Variants in RAP1GAP2 observed in about 807,000 individuals in gnomAD.
The protein encoded by RAP1GAP2 is rap1 GTPase-activating protein 2.
RAP1GAP2 carries 27 observed loss-of-function variants against 95.0 expected under a neutral mutation model. The observed-to-expected ratio is 0.28, with a 90% CI of 0.21 to 0.39. The LOEUF (loss-of-function observed/expected upper bound fraction) is 0.39. RAP1GAP2 is among the 10% of genes least tolerant of loss of function. RAP1GAP2 has a pLI of 1.00. For synonymous variants in RAP1GAP2, 373 were observed against 380.9 expected (o/e 0.98, Z 0.24); for missense variants, 771 against 970.0 (o/e 0.79, Z 2.72).
At chr17:2,900,471 C>T (rs536377754) in intron 2 of RAP1GAP2, among the ~76,000 whole-genome samples, 98 of 150,994 alleles carry the variant, frequency 6.5e-4, no homozygotes, top group Non-Finnish European at 1.1e-3. Flanking sequence ...GACGGAGTTT[C>T]GCTCTTGTTG....
At chr17:2,926,335 C>T (rs2042955186) in intron 3 of RAP1GAP2, among the ~76,000 whole-genome samples, 1 of 152,168 alleles carries the variant, frequency 6.6e-6, no homozygotes. Flanking sequence ...ACCCATCTGG[C>T]AGCTTTCTCC....
chr17:2,978,270 T>C (rs577358592), intron 8 of RAP1GAP2, among the ~76,000 whole-genome samples: 1 of 152,298 alleles, frequency 6.6e-6, no homozygotes, highest in East Asian at 1.9e-4. Context: ...CTTTGTCATA[T>C]CCAAAGTGCC....
At chr17:2,993,659 C>CA (rs2045855440) in intron 12 of RAP1GAP2, among the ~76,000 whole-genome samples, 1 of 152,008 alleles carries the variant, frequency 6.6e-6, no homozygotes, top group African/African-American at 2.4e-5. Context: ...GCTAGCTAGT[C>CA]ACGATTGTTA....
At chr17:2,882,140 A>ATTTTTTGT (rs2073327660) in intron 2 of RAP1GAP2, among the ~76,000 whole-genome samples, 1 of 71,008 alleles carries the variant, frequency 1.4e-5, no homozygotes, top group Non-Finnish European at 3.0e-5. Flanking sequence ...TTTTTTTTTA[A>ATTTTTTGT]TTTTGAGATG....
At chr17:2,991,458 G>A in intron 12 of RAP1GAP2, 61 bp downstream of exon 12, 2 of 1,304,816 alleles carry the variant, frequency 1.5e-6, no homozygotes, top group South Asian at 2.5e-5. Context: ...GGAAGGGCAA[G>A]ACAGCTCAGT....
intron 2 of RAP1GAP2, among the ~76,000 whole-genome samples, chr17:2,805,190 A>G (rs2069461612): frequency 6.6e-6 from 1 of 152,122 alleles, no homozygotes; most frequent in African/African-American, 2.4e-5. Flanking sequence ...AAGGAGAGAA[A>G]GAGGCAGGCT....
intron 2 of RAP1GAP2, among the ~76,000 whole-genome samples, chr17:2,814,697 G>A (rs894889047): frequency 3.3e-5 from 5 of 152,078 alleles, no homozygotes; most frequent in Non-Finnish European, 7.4e-5. Flanking sequence ...ACCTTGGGTT[G>A]AGCTGTGAAC....
chr17:2,874,095 C>G (rs756746116), intron 2 of RAP1GAP2, among the ~76,000 whole-genome samples: 6 of 152,190 alleles, frequency 3.9e-5, no homozygotes, highest in Non-Finnish European at 5.9e-5. Flanking sequence ...CATTTTCTAG[C>G]TCTCTGACTG....
chr17:2,908,671 G>T (rs957735083), intron 3 of RAP1GAP2, among the ~76,000 whole-genome samples: 1 of 152,094 alleles, frequency 6.6e-6, no homozygotes, highest in African/African-American at 2.4e-5. Flanking sequence ...TGAGATAAAG[G>T]TTGGTGCAGG....
chr17:2,813,191 G>A (rs757370416), intron 2 of RAP1GAP2, among the ~76,000 whole-genome samples: 11 of 151,352 alleles, frequency 7.3e-5, no homozygotes, highest in East Asian at 2.0e-4. Context: ...TCCTGCCTCC[G>A]TCTCCTGAGT....
intron 2 of RAP1GAP2, among the ~76,000 whole-genome samples, chr17:2,853,667 C>T (rs912846738): frequency 6.8e-6 from 1 of 147,628 alleles, no homozygotes; most frequent in Non-Finnish European, 1.5e-5. Context: ...GGAGGCGGGG[C>T]CGGGGCGGGT....
intron 2 of RAP1GAP2, among the ~76,000 whole-genome samples, chr17:2,844,001 C>T (rs919547259): frequency 4.0e-5 from 6 of 151,852 alleles, no homozygotes; most frequent in East Asian, 1.9e-4. Flanking sequence ...ATGGCCGGCG[C>T]GCTTTTTTTT....
At position 3,005,044 on chromosome 17, in the gene RAP1GAP2, C is replaced by G. The variant is rs1048451333; in HGVS notation, c.1201-325C>G. Among the ~76,000 whole-genome samples, 1 of 152,028 alleles carries G rather than the reference C, an allele frequency of 6.6e-6. No homozygotes were observed. The highest frequency in any genetic ancestry group is 2.1e-4 in the South Asian group (1 of 4,810). ...TGCCTTCTCAGTAGGATTAGCGTCA[C>G]GGTCGAATGAGGTCACGAGATGCCA... is the stretch of plus-strand genomic sequence containing the variant. On this transcript the variant is annotated intron_variant, in intron 14 of 24. Transcript: ENST00000254695. The surrounding 1 kb of genome is among the most constrained non-coding windows in gnomAD (Gnocchi z 5.2).
In RAP1GAP2 at chr17:2,884,426, G is replaced by A. The variant is rs150581220; in HGVS notation, c.81-20858G>A. Among the ~76,000 whole-genome samples, 173 of 146,522 alleles carry A rather than the reference G, an allele frequency of 1.2e-3. 1 individual carries two copies. The East Asian group carries it at 0.025, about 21-fold the overall frequency. On this transcript the variant is annotated intron_variant, in intron 2 of 24. Transcript: ENST00000254695. ...CTCGCTCTGTTGCCCAGGCTGGAGT[G>A]CAGTGGTGCAGTCTCGGCTCACTGT...
rs575616722 is a variant in RAP1GAP2 at position 2,990,500 on chromosome 17, A to G, written c.814-797A>G. On this transcript the variant is annotated intron_variant, in intron 11 of 24. Coordinates refer to ENST00000254695, the MANE Select transcript of RAP1GAP2 (RefSeq NM_015085.5). Reference sequence around the variant, plus strand: ...CCTGGGAGTGAAGTTTCTGGATCACATGGTGACTCTGCGTTTAGCCTTTGG... The same window carrying G: ...CCTGGGAGTGAAGTTTCTGGATCACGTGGTGACTCTGCGTTTAGCCTTTGG... Among the ~76,000 whole-genome samples, 7 of 152,216 alleles carry G rather than the reference A, an allele frequency of 4.6e-5. No homozygotes were observed. In the South Asian group the frequency reaches 1.5e-3, roughly 32 times the overall value.
rs2042049768 is a variant in RAP1GAP2, at chr17:2,902,293, T to C, written c.81-2991T>C. Among the ~76,000 whole-genome samples the C allele has an allele frequency of 6.6e-6, 1 of 152,080 alleles. No individual in the cohort carries two copies. On this transcript the variant is annotated intron_variant, in intron 2 of 24. Coordinates refer to ENST00000254695, the MANE Select transcript of RAP1GAP2 (RefSeq NM_015085.5). This position sits in a 1 kb window ranked among gnomAD's most constrained non-coding sequence, Gnocchi z 4.1. ...GTGCAGTGGCACGATCTCAGCTCAC[T>C]GCAACCTCCACCTCTTGGGTTCAAG...
In RAP1GAP2 at chr17:2,967,164, C is replaced by G. The variant is rs567651127; in HGVS notation, c.596+1521C>G. On this transcript the variant is annotated intron_variant, in intron 8 of 24. Transcript: ENST00000254695. ...CGGGTGGATCACGAGGTCAGGAGAT[C>G]GAGACCATCCTGGCTAACACGGTGA... is the stretch of plus-strand genomic sequence containing the variant. 5.4e-3 allele frequency among the ~76,000 whole-genome samples: 814 copies of G among 152,082 alleles called. 7 individuals are homozygous for G. Among genetic ancestry groups the G allele is most frequent in the Admixed American group, 8.3e-3 (127 of 15,274 alleles).
chr17:2,991,171 T>G, intron 11 of RAP1GAP2, 126 bp from the exon 12 acceptor site: 1 of 742,818 alleles, frequency 1.3e-6, no homozygotes, highest in East Asian at 2.8e-5. Context: ...AGGGCAGCTA[T>G]GGTGGATGTG....
chr17:2,829,259 C>T (rs1237271986), intron 2 of RAP1GAP2, among the ~76,000 whole-genome samples: 2 of 152,174 alleles, frequency 1.3e-5, no homozygotes, highest in Non-Finnish European at 2.9e-5. Context: ...ACTGGGATTA[C>T]AGGCCTGAGC....
Sources: gnomAD v4.1 joint callset for allele counts (sites outside exome capture counted in the v4.1 genomes callset) on GRCh38, gnomAD v4.1.1 for gene constraint, Gnocchi (gnomAD v3.1) non-coding constraint, MANE v1.5 for transcripts, NCBI Gene and HGNC (gene_info 2026-07-23, HGNC 2026-07-21) for gene names.